Variants in ACAD10 observed in about 807,000 individuals in gnomAD.
ACAD10 encodes the protein acyl-CoA dehydrogenase family member 10.
In ACAD10, 112 loss-of-function variants were observed where a neutral mutation model predicts 116.8. The observed-to-expected ratio is 0.96, with a 90% confidence interval of 0.82 to 1.12. The LOEUF (loss-of-function observed/expected upper bound fraction) is 1.12. ACAD10 is among the 50% of genes most tolerant of loss of function. The pLI is 0.00. For synonymous variants in ACAD10, 486 were observed against 510.6 expected, an observed-to-expected ratio of 0.95 and a Z score of 0.65; for missense variants, 1,259 against 1,350.2, an observed-to-expected ratio of 0.93 and a Z score of 1.06.
At position 111,702,184 on chromosome 12, in the gene ACAD10, C is replaced by G; in HGVS notation, c.210C>G (p.Ile70Met). 2.5e-6 allele frequency: 4 copies of G among 1,613,794 alleles called. No homozygotes were observed. Among genetic ancestry groups the G allele is most frequent in the Non-Finnish European group, 3.4e-6 (4 of 1,179,940 alleles). The change falls in exon 3 of 21, where the codon ATC becomes ATG. Residue 70 changes from isoleucine to methionine, a missense_variant. Coordinates refer to ENST00000313698, the MANE Select transcript of ACAD10 (RefSeq NM_025247.6). ...VAAEWEVQNR[I>M]PSGTILKALM... is the part of the protein sequence containing the mutation. ...TAGAATGGGAGGTACAGAATCGTAT[C>G]CCTTCTGGAACTATATTAAAGGCCT...
intron 13 of ACAD10, 132 bp downstream of exon 13, chr12:111,745,175 C>T (rs914144935): frequency 7.5e-6 from 8 of 1,066,658 alleles, no homozygotes; most frequent in South Asian, 1.7e-5. Context: ...TTGCTTCCAT[C>T]GTCTCAGAAA....
At position 111,744,631 on chromosome 12, in the gene ACAD10, G is replaced by C. The variant is rs1310206796; in HGVS notation, c.1715-12G>C. 3.7e-5 allele frequency: 59 copies of C among 1,600,454 alleles called. No homozygotes were observed. The highest frequency in any genetic ancestry group is 4.9e-5 in the Non-Finnish European group (57 of 1,172,348). On this transcript the variant is annotated splice_polypyrimidine_tract_variant and intron_variant, in intron 12 of 20. Transcript: ENST00000313698. ...GTGGGAGTAATCACTGTTTTTCTTT[G>C]ATTCTGCTTAGGGCAAGCAAGCTCC...
intron 8 of ACAD10, among the ~76,000 whole-genome samples, chr12:111,723,381 A>C (rs1435240563): frequency 1.4e-4 from 11 of 76,256 alleles, no homozygotes; most frequent in South Asian, 4.9e-4. Flanking sequence ...TGACCCCCCC[A>C]CCTCCCTCCC....
intron 20 of ACAD10, 102 bp downstream of exon 20, chr12:111,755,847 C>T (rs773515739): frequency 1.7e-6 from 2 of 1,142,938 alleles, no homozygotes; most frequent in South Asian, 2.5e-5. Flanking sequence ...TGGCAGATGC[C>T]CTGTGTCACC....
chr12:111,709,996 G>C (rs1593024635), intron 5 of ACAD10: 2 of 351,568 alleles, frequency 5.7e-6, no homozygotes, highest in East Asian at 1.6e-4. Flanking sequence ...CTTAAGTGGG[G>C]AGCCAGTGGC....
intron 13 of ACAD10, among the ~76,000 whole-genome samples, chr12:111,745,835 CTTTTTTTTTT>C (rs532150491): frequency 7.6e-5 from 8 of 104,766 alleles, no homozygotes; most frequent in East Asian, 2.7e-4. Flanking sequence ...CCATCTCTCT[CTTTTTTTTTT>C]TTTTTTTTTT....
chr12:111,702,044 C>A, intron 2 of ACAD10, 118 bp from the exon 3 acceptor site: 1 of 1,114,908 alleles, frequency 9.0e-7, no homozygotes, highest in Non-Finnish European at 1.3e-6. Flanking sequence ...AAATTTCCAA[C>A]AGCATCCACC....
intron 2 of ACAD10, among the ~76,000 whole-genome samples, chr12:111,698,064 G>A (rs866040603): frequency 2.7e-5 from 4 of 148,918 alleles, no homozygotes; most frequent in African/African-American, 1.0e-4. Context: ...CTGTGATCTC[G>A]GCTCACTGTA....
intron 11 of ACAD10, among the ~76,000 whole-genome samples, chr12:111,734,522 G>A (rs1381595242): frequency 6.6e-6 from 1 of 152,116 alleles, no homozygotes; most frequent in East Asian, 1.9e-4. Context: ...TACTCGGGAG[G>A]CTGAGGCAGG....
Position 111,749,191 on chromosome 12 carries a change from G to A in ACAD10, c.2663G>A (p.Arg888Gln), listed in dbSNP as rs200819090. The A allele has an allele frequency of 3.3e-5, 54 of 1,613,238 alleles. No individual in the cohort carries two copies. The highest frequency in any genetic ancestry group is 1.7e-4 in the Admixed American group (10 of 59,998). Residue 888 changes from arginine to glutamine, a missense_variant, in exon 18 of 21, where the codon CGA becomes CAA. Coordinates refer to ENST00000313698, the MANE Select transcript of ACAD10 (RefSeq NM_025247.6). ...CTTTCAGGTGGCCATGGTGAAGTCC[G>A]ATTTGAGCACGTGCGTGTGCCCAAA... Reference protein sequence around the residue: ...EDAPGGHGEVRFEHVRVPKEN... With the variant: ...EDAPGGHGEVQFEHVRVPKEN...
intron 9 of ACAD10, among the ~76,000 whole-genome samples, chr12:111,728,857 T>G (rs1889304362): frequency 1.3e-5 from 2 of 152,022 alleles, no homozygotes; most frequent in African/African-American, 2.4e-5. Context: ...GCCCAGCTAA[T>G]TTTTGTATTT....
chr12:111,723,398 G>A (rs1233756673), intron 8 of ACAD10, among the ~76,000 whole-genome samples: 2 of 139,596 alleles, frequency 1.4e-5, no homozygotes, highest in Non-Finnish European at 3.2e-5. Flanking sequence ...TCCCGGACGG[G>A]GCGGCTGGCC....
At chr12:111,703,324 C>G (rs1404694765) in intron 3 of ACAD10, among the ~76,000 whole-genome samples, 3 of 152,018 alleles carry the variant, frequency 2.0e-5, no homozygotes, top group Non-Finnish European at 4.4e-5. Flanking sequence ...CAGGAGCTGT[C>G]TACATAATGG....
chr12:111,689,210 A>T (rs1401182724), intron 1 of ACAD10, among the ~76,000 whole-genome samples: 2 of 151,748 alleles, frequency 1.3e-5, no homozygotes, highest in East Asian at 3.9e-4. Context: ...TATATTTAAT[A>T]TATATATCAA....
chr12:111,738,630 G>A (rs1165807301), intron 12 of ACAD10, among the ~76,000 whole-genome samples: 1 of 151,968 alleles, frequency 6.6e-6, no homozygotes, highest in Non-Finnish European at 1.5e-5. Context: ...ACTTTGGGAG[G>A]CCAAGGTGAG....
At chr12:111,689,531 C>G (rs1441310212) in intron 1 of ACAD10, among the ~76,000 whole-genome samples, 2 of 151,938 alleles carry the variant, frequency 1.3e-5, no homozygotes, top group Non-Finnish European at 2.9e-5. Flanking sequence ...GCCACCACGC[C>G]TGGCTAATTT....
intron 12 of ACAD10, among the ~76,000 whole-genome samples, chr12:111,742,763 G>A (rs1889780995): frequency 6.6e-6 from 1 of 152,130 alleles, no homozygotes; most frequent in Admixed American, 6.5e-5. Flanking sequence ...AGGCTGGAGT[G>A]CAATGGCATG....
intron 10 of ACAD10, among the ~76,000 whole-genome samples, chr12:111,732,351 G>A (rs993795284): frequency 6.6e-6 from 1 of 152,050 alleles, no homozygotes; most frequent in African/African-American, 2.4e-5. Flanking sequence ...GTAGAAAAAA[G>A]TTTCAAAAGG....
rs1887836118 is a variant in ACAD10, at chr12:111,686,112, T to G, written c.-141T>G. 1.1e-5 allele frequency: 2 copies of G among 176,704 alleles called. No individual in the cohort carries two copies. The highest frequency in any genetic ancestry group is 1.5e-4 in the East Asian group (1 of 6,794). 10.9% of individuals were successfully genotyped at this position (176,704 alleles called of 1,614,324 possible). On this transcript the variant is annotated 5_prime_UTR_variant, in exon 1 of 21. Coordinates refer to ENST00000313698, the MANE Select transcript of ACAD10 (RefSeq NM_025247.6). ...AGCGGAAGGACGTCGTGGAGATTGC[T>G]TGCGCTGGGGTGCCACACTTAGGCT... is the stretch of plus-strand genomic sequence containing the variant.
Sources: gnomAD v4.1 joint callset for allele counts (sites outside exome capture counted in the v4.1 genomes callset) on GRCh38, gnomAD v4.1.1 for gene constraint, MANE v1.5 for transcripts, NCBI Gene and HGNC (gene_info 2026-07-23, HGNC 2026-07-21) for gene names.